SIPA1L3: variants seen among roughly 807,000 people sequenced by gnomAD.
SIPA1L3 encodes signal induced proliferation associated 1 like 3.
SIPA1L3 carries 59 observed loss-of-function variants against 150.1 expected under a neutral mutation model. The observed-to-expected ratio is 0.39, with a 90% CI of 0.32 to 0.49. SIPA1L3 has a LOEUF of 0.49. SIPA1L3 is among the 20% of genes least tolerant of loss of function. The pLI is 0.86. For missense variants in SIPA1L3, 2,211 were observed against 2,489.5 expected, an observed-to-expected ratio of 0.89 and a Z score of 2.38; for synonymous variants, 1,070 against 1,077.6, an observed-to-expected ratio of 0.99 and a Z score of 0.14.
At position 38,164,692 on chromosome 19, in the gene SIPA1L3, G is replaced by T. The variant is rs779170658; in HGVS notation, c.3994G>T (p.Ala1332Ser). Reference protein sequence around the residue: ...CMSLAKAPRPAKPHKPPGSMG... With the variant: ...CMSLAKAPRPSKPHKPPGSMG... ...GTCCCTGGCCAAGGCTCCACGGCCC[G>T]CCAAGCCACACAAGCCCCCTGGAAG... Residue 1332 changes from alanine (A) to serine (S), a missense_variant, in exon 15 of 22, where the codon GCC becomes TCC. Physicochemically the swap from Ala to Ser is moderately conservative, Grantham distance 99. Around this residue, in one of 5 missense-constraint regions of SIPA1L3, gnomAD observed 806 missense variants for 870.1 expected, o/e 0.93. Coordinates refer to ENST00000222345, the MANE Select transcript of SIPA1L3 (RefSeq NM_015073.3). The surrounding 1 kb of genome is among the most constrained non-coding windows in gnomAD (Gnocchi z 4.1). The T allele has an allele frequency of 6.2e-7, 1 of 1,613,758 alleles. No homozygotes were observed. Among genetic ancestry groups the T allele is most frequent in the African/African-American group, 1.3e-5 (1 of 75,048 alleles).
chr19:38,116,862 A>T (rs779148361), intron 8 of SIPA1L3, among the ~76,000 whole-genome samples: 1 of 152,172 alleles, frequency 6.6e-6, no homozygotes, highest in African/African-American at 2.4e-5. Flanking sequence ...TCAAAAAATA[A>T]TAATAATAGA....
At chr19:38,100,180 G>A (rs369569146) in intron 5 of SIPA1L3, 30 bp downstream of exon 5, 6 of 1,501,790 alleles carry the variant, frequency 4.0e-6, no homozygotes, top group Non-Finnish European at 5.3e-6. Flanking sequence ...TGGGGGTGCT[G>A]CTGGGGCAGT....
intron 1 of SIPA1L3, among the ~76,000 whole-genome samples, chr19:38,019,407 G>C (rs1239919199): frequency 1.3e-5 from 2 of 152,216 alleles, no homozygotes; most frequent in Non-Finnish European, 2.9e-5. Context: ...TGGGAATAGG[G>C]TGAGGGAGAG....
In SIPA1L3 at chr19:38,141,220, G is replaced by C. The variant is rs369530820; in HGVS notation, c.3180G>C (p.Glu1060Asp). 21 of 1,612,088 alleles carry C rather than the reference G, an allele frequency of 1.3e-5. No homozygotes were observed. Among genetic ancestry groups the C allele is most frequent in the Non-Finnish European group, 1.7e-5 (20 of 1,178,966 alleles). Residue 1060 changes from glutamate (E) to aspartate (D), a missense_variant, in exon 11 of 22, where the codon GAG becomes GAC. Physicochemically the swap from Glu to Asp is conservative, Grantham distance 45. Coordinates refer to ENST00000222345, the MANE Select transcript of SIPA1L3 (RefSeq NM_015073.3). ...WPETYDMNTSEPKTEQESITP... is the reference protein window; with the variant it reads ...WPETYDMNTSDPKTEQESITP... ...AGACCTACGACATGAATACCTCGGA[G>C]CCCAAGACGGAGCAGGAAAGCATCA...
chr19:37,934,659 GC>G (rs2046584569), intron 1 of SIPA1L3, among the ~76,000 whole-genome samples: 1 of 112,966 alleles, frequency 8.9e-6, no homozygotes. Context: ...CCTTTTTTGT[GC>G]CCACCCCCGA....
intron 1 of SIPA1L3, among the ~76,000 whole-genome samples, chr19:37,930,814 A>C (rs986611295): frequency 2.0e-5 from 3 of 152,048 alleles, no homozygotes; most frequent in Non-Finnish European, 4.4e-5. Context: ...AGCACGTGAC[A>C]TGCTTAGACA....
At chr19:38,024,085 A>G (rs952696074) in intron 1 of SIPA1L3, among the ~76,000 whole-genome samples, 3 of 152,018 alleles carry the variant, frequency 2.0e-5, no homozygotes, top group African/African-American at 7.3e-5. Flanking sequence ...ATGTGAATTG[A>G]GGTGGAAATA....
At chr19:38,182,136 C>CAAAAAAAAAAA (rs4006822) in intron 15 of SIPA1L3, among the ~76,000 whole-genome samples, 11 of 130,054 alleles carry the variant, frequency 8.5e-5, no homozygotes, top group African/African-American at 1.6e-4. Flanking sequence ...GACCCTGTCT[C>CAAAAAAAAAAA]AAAAAAAAAA....
At chr19:38,139,753 C>T (rs1165460534) in intron 10 of SIPA1L3, among the ~76,000 whole-genome samples, 1 of 152,192 alleles carries the variant, frequency 6.6e-6, no homozygotes, top group Non-Finnish European at 1.5e-5. Context: ...ACATACATTT[C>T]TCACAGTTGT....
intron 9 of SIPA1L3, among the ~76,000 whole-genome samples, chr19:38,129,047 T>C (rs1971247171): frequency 6.6e-6 from 1 of 152,112 alleles, no homozygotes; most frequent in Non-Finnish European, 1.5e-5. Flanking sequence ...CATAACGCAG[T>C]TTTAGGAAAG....
intron 1 of SIPA1L3, among the ~76,000 whole-genome samples, chr19:38,019,680 C>A (rs1409443284): frequency 1.3e-5 from 2 of 152,158 alleles, no homozygotes; most frequent in Admixed American, 6.5e-5. Flanking sequence ...CCTTAAGTGA[C>A]CAGAATCAGA....
intron 2 of SIPA1L3, among the ~76,000 whole-genome samples, chr19:38,035,403 A>C (rs1968757102): frequency 6.6e-6 from 1 of 152,146 alleles, no homozygotes; most frequent in Non-Finnish European, 1.5e-5. Context: ...CAGAGTGATA[A>C]GAGTTCTAAT....
chr19:38,158,681 T>G (rs1274875723), intron 13 of SIPA1L3, among the ~76,000 whole-genome samples: 1 of 152,198 alleles, frequency 6.6e-6, no homozygotes, highest in African/African-American at 2.4e-5. Context: ...AAGGCAGCGT[T>G]AACCAAATTT....
Position 38,142,643 on chromosome 19 carries a change from C to G in SIPA1L3, c.3466C>G (p.Gln1156Glu). Residue 1156 changes from glutamine to glutamate, a missense_variant, in exon 12 of 22, where the codon CAG becomes GAG. By Grantham distance (29) the Gln-to-Glu change is conservative. Coordinates refer to ENST00000222345, the MANE Select transcript of SIPA1L3 (RefSeq NM_015073.3). ...AGADRVPPYR[Q>E]PSGSFSTPGS... The stretch of plus-strand genomic sequence containing the variant: ...GGCCGACAGAGTCCCTCCCTACCGA[C>G]AGCCTTCTGGGAGCTTCTCCACCCC... 1.9e-6 allele frequency: 3 copies of G among 1,614,090 alleles called. No homozygotes were observed. The highest frequency in any genetic ancestry group is 2.5e-6 in the Non-Finnish European group (3 of 1,179,960).
chr19:38,008,555 C>A (rs1968019552), intron 1 of SIPA1L3, among the ~76,000 whole-genome samples: 1 of 151,824 alleles, frequency 6.6e-6, no homozygotes, highest in Admixed American at 6.6e-5. Flanking sequence ...TGTTAAAATT[C>A]TCCCTTTACC....
At chr19:38,117,441 G>A (rs541313717) in intron 8 of SIPA1L3, among the ~76,000 whole-genome samples, 15 of 152,088 alleles carry the variant, frequency 9.9e-5, no homozygotes, top group African/African-American at 3.1e-4. Context: ...CCAACATGGC[G>A]AAACCCTGTC....
intron 4 of SIPA1L3, among the ~76,000 whole-genome samples, chr19:38,093,966 CCA>C (rs1157351194): frequency 1.3e-5 from 2 of 152,172 alleles, no homozygotes; most frequent in African/African-American, 4.8e-5. Flanking sequence ...GGGATGGCAA[CCA>C]GCCAGGAACT....
At chr19:37,919,634 A>G (rs1282239350) in intron 1 of SIPA1L3, among the ~76,000 whole-genome samples, 2 of 143,474 alleles carry the variant, frequency 1.4e-5, no homozygotes, top group African/African-American at 5.3e-5. Context: ...CGGCCTCCTC[A>G]CTCCACACGT....
At chr19:37,970,217 A>T (rs1269854242) in intron 1 of SIPA1L3, among the ~76,000 whole-genome samples, 1 of 152,224 alleles carries the variant, frequency 6.6e-6, no homozygotes, top group Admixed American at 6.5e-5. Flanking sequence ...AAGTTAAATG[A>T]ATTCATACTG....
Sources: gnomAD v4.1 joint callset for allele counts (sites outside exome capture counted in the v4.1 genomes callset) on GRCh38, gnomAD v4.1.1 for gene constraint, gnomAD v4.1.1 regional missense constraint, Gnocchi (gnomAD v3.1) non-coding constraint, MANE v1.5 for transcripts, NCBI Gene and HGNC (gene_info 2026-07-23, HGNC 2026-07-21) for gene names.